Variants in CNTNAP2 observed in about 807,000 individuals in gnomAD.
CNTNAP2 encodes contactin associated protein 2.
CNTNAP2 carries 98 observed loss-of-function variants against 155.2 expected under a neutral mutation model. The observed-to-expected ratio is 0.63, with a 90% CI of 0.54 to 0.75. The LOEUF is 0.75. Ranked by LOEUF, CNTNAP2 falls within the 30% of genes least tolerant of loss-of-function variation. The probability of loss-of-function intolerance (pLI) is 0.00; values close to 1 mark genes in which losing one functional copy is unlikely to be tolerated. For missense variants in CNTNAP2, 1,727 were observed against 1,688.1 expected, an observed-to-expected ratio of 1.02 and a Z score of -0.40; for synonymous variants, 651 against 631.2, an observed-to-expected ratio of 1.03 and a Z score of -0.47.
chr7:147,391,632 A>G (rs972057315), intron 9 of CNTNAP2, among the ~76,000 whole-genome samples: 3 of 152,096 alleles, frequency 2.0e-5, no homozygotes, highest in East Asian at 3.9e-4. Context: ...TACAGAAGGA[A>G]AATGCTTTTA....
At chr7:146,184,222 TGA>T (rs1407088869) in intron 1 of CNTNAP2, among the ~76,000 whole-genome samples, 1 of 152,212 alleles carries the variant, frequency 6.6e-6, no homozygotes, top group East Asian at 1.9e-4. Context: ...TCTAACAGAA[TGA>T]GGTTACATGT....
intron 13 of CNTNAP2, among the ~76,000 whole-genome samples, chr7:147,860,401 G>A (rs146549547): frequency 1.2e-3 from 183 of 152,134 alleles, no homozygotes; most frequent in Non-Finnish European, 1.5e-3. Flanking sequence ...TCCAACCTGG[G>A]CAACAGAGTG....
At chr7:148,053,171 A>T (rs139222207) in intron 15 of CNTNAP2, among the ~76,000 whole-genome samples, 1 of 152,342 alleles carries the variant, frequency 6.6e-6, no homozygotes, top group East Asian at 1.9e-4. Context: ...CCAGTTTTAC[A>T]ATTCCACATG....
At chr7:147,324,939 G>A (rs1442959520) in intron 9 of CNTNAP2, among the ~76,000 whole-genome samples, 2 of 152,152 alleles carry the variant, frequency 1.3e-5, no homozygotes, top group Non-Finnish European at 2.9e-5. Flanking sequence ...ATGCCTGTAG[G>A]TAATGGCAGA....
intron 3 of CNTNAP2, among the ~76,000 whole-genome samples, chr7:146,966,022 A>G (rs1797651313): frequency 1.3e-5 from 2 of 152,184 alleles, no homozygotes; most frequent in Admixed American, 1.3e-4. Flanking sequence ...AGTGGATGTC[A>G]CCTTTGTGGC....
intron 1 of CNTNAP2, among the ~76,000 whole-genome samples, chr7:146,501,613 G>T (rs1012836789): frequency 2.6e-5 from 4 of 151,960 alleles, no homozygotes; most frequent in African/African-American, 9.7e-5. Context: ...AGTAATTAGA[G>T]TATTCTTTCT....
chr7:146,426,734 A>T (rs969674190), intron 1 of CNTNAP2, among the ~76,000 whole-genome samples: 1 of 151,964 alleles, frequency 6.6e-6, no homozygotes, highest in Non-Finnish European at 1.5e-5. Flanking sequence ...TTCAAACGAC[A>T]CAAAATATCA....
chr7:146,124,815 T>C (rs1563131001), intron 1 of CNTNAP2, among the ~76,000 whole-genome samples: 2 of 152,194 alleles, frequency 1.3e-5, no homozygotes, highest in South Asian at 4.1e-4. Flanking sequence ...ATGAGTTCGA[T>C]GCTGCCATCA....
intron 14 of CNTNAP2, among the ~76,000 whole-genome samples, chr7:147,961,733 T>C (rs1190558493): frequency 1.3e-5 from 2 of 152,198 alleles, no homozygotes; most frequent in Non-Finnish European, 2.9e-5. Context: ...TTGTGCATTT[T>C]CATCACTGGC....
chr7:146,198,486 A>G (rs1199906173), intron 1 of CNTNAP2, among the ~76,000 whole-genome samples: 3 of 152,146 alleles, frequency 2.0e-5, no homozygotes. Context: ...TGTGCCTCCC[A>G]TTTGTTTAAT....
At chr7:146,826,851 T>TAGAGAG (rs1437184151) in intron 2 of CNTNAP2, among the ~76,000 whole-genome samples, 29 of 142,508 alleles carry the variant, frequency 2.0e-4, no homozygotes, top group African/African-American at 7.8e-4. Flanking sequence ...TATATATATA[T>TAGAGAG]ATATATAGAG....
At chr7:147,224,126 C>G (rs1323820283) in intron 8 of CNTNAP2, among the ~76,000 whole-genome samples, 2 of 152,072 alleles carry the variant, frequency 1.3e-5, no homozygotes, top group Admixed American at 6.6e-5. Context: ...TCTCTTTAAT[C>G]TGGGGGGCAG....
chr7:148,218,080 C>T (rs1015061227), intron 19 of CNTNAP2, among the ~76,000 whole-genome samples: 7 of 152,226 alleles, frequency 4.6e-5, no homozygotes, highest in Non-Finnish European at 7.3e-5. Context: ...GAGCCATGAT[C>T]GTGCCACTGC....
chr7:148,278,109 C>T (rs186759815), intron 21 of CNTNAP2, among the ~76,000 whole-genome samples: 16 of 152,186 alleles, frequency 1.1e-4, no homozygotes, highest in African/African-American at 3.9e-4. Flanking sequence ...AATCCATAGT[C>T]GAGGAGAAGA....
chr7:147,771,470 T>G (rs148783089), intron 13 of CNTNAP2, among the ~76,000 whole-genome samples: 2,043 of 152,278 alleles, frequency 0.013, 104 homozygotes, highest in Admixed American at 0.09. Flanking sequence ...GGTTGATTCG[T>G]GGGTGACATT....
At chr7:147,888,224 A>G (rs1217578279) in intron 13 of CNTNAP2, among the ~76,000 whole-genome samples, 9 of 152,136 alleles carry the variant, frequency 5.9e-5, no homozygotes, top group Admixed American at 5.9e-4. Context: ...TTTTAAAGAG[A>G]AAAGTGGATA....
intron 1 of CNTNAP2, among the ~76,000 whole-genome samples, chr7:146,764,965 G>A (rs1252098663): frequency 2.6e-5 from 4 of 151,888 alleles, no homozygotes; most frequent in East Asian, 1.9e-4. Context: ...TCTGCATATT[G>A]GGAAAGAAAA....
intron 3 of CNTNAP2, among the ~76,000 whole-genome samples, chr7:146,906,996 G>A (rs566837241): frequency 2.0e-5 from 3 of 149,730 alleles, no homozygotes; most frequent in South Asian, 2.2e-4. Context: ...CGAGAACTAC[G>A]TGAAGAATGC....
At chr7:147,527,932 A>T (rs976681532) in intron 11 of CNTNAP2, among the ~76,000 whole-genome samples, 1 of 152,228 alleles carries the variant, frequency 6.6e-6, no homozygotes, top group Non-Finnish European at 1.5e-5. Flanking sequence ...AAACAAAAAA[A>T]GTGCATTGAT....
Sources: gnomAD v4.1 joint callset for allele counts (sites outside exome capture counted in the v4.1 genomes callset) on GRCh38, gnomAD v4.1.1 for gene constraint, MANE v1.5 for transcripts, NCBI Gene and HGNC (gene_info 2026-07-23, HGNC 2026-07-21) for gene names.